The following SHANK1 variants were observed in gnomAD, a reference collection of about 807,000 sequenced individuals.
SHANK1 encodes the protein SH3 and multiple ankyrin repeat domains 1.
SHANK1 carries 35 observed loss-of-function variants against 165.6 expected under a neutral mutation model. The ratio of observed to expected loss-of-function variants is 0.21; its 90% CI spans 0.16 to 0.28. The LOEUF is 0.28. Among genes scored for constraint, SHANK1 ranks in the 10% least tolerant of loss-of-function variants. SHANK1 has a pLI of 1.00. For missense variants in SHANK1, 2,681 were observed against 3,036.4 expected (o/e 0.88, Z 2.75); for synonymous variants, 1,428 against 1,384.8 (o/e 1.03, Z -0.69).
intron 8 of SHANK1, chr19:50,711,121 C>T (rs1453025075): frequency 7.9e-6 from 4 of 505,414 alleles, no homozygotes; most frequent in Non-Finnish European, 1.4e-5. Flanking sequence ...GCCATGAGCT[C>T]AACACTTTGT....
rs1430293323 is a variant in SHANK1 at position 50,667,642 on chromosome 19, C to T, written c.4318G>A (p.Ala1440Thr). 2 of 1,410,082 alleles carry T rather than the reference C, an allele frequency of 1.4e-6. No homozygotes were observed. The highest frequency in any genetic ancestry group is 1.8e-6 in the Non-Finnish European group (2 of 1,091,610). 87.3% of individuals were successfully genotyped at this position (1,410,082 alleles called of 1,614,324 possible). ...EKSLPASPPA[A>T]RRSLLHRLPP... is the part of the protein sequence containing the mutation. The stretch of plus-strand genomic sequence containing the variant: ...AGGCGGTGTAGCAGGGAACGCCGGG[C>T]GGCGGGCGGGCTGGCGGGAAGGGAC... The change falls in exon 23 of 24, where the codon GCC becomes ACC. Residue 1440 changes from alanine to threonine, a missense_variant. Physicochemically the swap from Ala to Thr is moderately conservative, Grantham distance 58. Coordinates refer to ENST00000293441, the MANE Select transcript of SHANK1 (RefSeq NM_016148.5). This position sits in a 1 kb window ranked among gnomAD's most constrained non-coding sequence, Gnocchi z 5.7.
chr19:50,681,832 C>T (rs539033724), intron 21 of SHANK1, among the ~76,000 whole-genome samples: 20 of 152,100 alleles, frequency 1.3e-4, no homozygotes, highest in Non-Finnish European at 2.8e-4. Flanking sequence ...AGCTCAGTGG[C>T]GCAAGCATGG....
At position 50,667,950 on chromosome 19, in the gene SHANK1, G is replaced by A; in HGVS notation, c.4010C>T (p.Pro1337Leu). 7.2e-7 allele frequency: 1 copy of A among 1,395,262 alleles called. No individual in the cohort carries two copies. Among genetic ancestry groups the A allele is most frequent in the Non-Finnish European group, 9.3e-7 (1 of 1,080,230 alleles). The allele number at this position is 1,395,262 out of a possible 1,614,324, so 86.4% of individuals were successfully genotyped here. ...CTTGCCGGTCAGCGGGTGCACCAGG[G>A]GTCGCGGGGGCAGGAAGCTGGTGAA... ...SAFTSFLPPR[P>L]LVHPLTGKAL... Residue 1337 changes from proline to leucine, a missense_variant, in exon 23 of 24, where the codon CCC becomes CTC. Pro to Leu is a moderately conservative substitution (Grantham distance 98). Around this residue, in one of 10 missense-constraint regions of SHANK1, gnomAD observed 1,713 missense variants for 1,630.2 expected, o/e 1.05. Transcript: ENST00000293441. This position sits in a 1 kb window ranked among gnomAD's most constrained non-coding sequence, Gnocchi z 5.7.
rs895890316 is a variant in SHANK1 at position 50,662,885 on chromosome 19, A to G, written c.5769-203T>C. On this transcript the variant is annotated intron_variant, in intron 23 of 23. Transcript: ENST00000293441. The surrounding 1 kb of genome is among the most constrained non-coding windows in gnomAD (Gnocchi z 7.7). Reference sequence around the variant, plus strand: ...CGAGGAAAGAAATGAAGGGAGAGAAAGATGAGAGGACAGGGAGAGGGCGAC... The same window carrying G: ...CGAGGAAAGAAATGAAGGGAGAGAAGGATGAGAGGACAGGGAGAGGGCGAC... Among the ~76,000 whole-genome samples, 2 of 151,794 alleles carry G rather than the reference A, an allele frequency of 1.3e-5. No homozygotes were observed. Among genetic ancestry groups the G allele is most frequent in the Non-Finnish European group, 2.9e-5 (2 of 67,968 alleles).
chr19:50,668,358 G>T lies in SHANK1; in HGVS notation c.3602C>A (p.Ala1201Asp), dbSNP rs1199927536. 4.0e-6 allele frequency: 5 copies of T among 1,260,500 alleles called. No individual in the cohort carries two copies. The highest frequency in any genetic ancestry group is 5.0e-6 in the Non-Finnish European group (5 of 1,003,584). 78.1% of individuals were successfully genotyped at this position (1,260,500 alleles called of 1,614,324 possible). ...CGGGGGCACGGGTGACATGGCCGGG[G>T]CGGGGCTGGGCGAGGAGCCGCCGCC... Reference protein sequence around the residue: ...GGGGGSSPSPAPAMSPVPPSP... With the variant: ...GGGGGSSPSPDPAMSPVPPSP... The change falls in exon 23 of 24, where the codon GCC (alanine) becomes GAC (aspartate). Residue 1201 changes from alanine to aspartate, a missense_variant. Physicochemically the swap from Ala to Asp is moderately radical, Grantham distance 126. Coordinates refer to ENST00000293441, the MANE Select transcript of SHANK1 (RefSeq NM_016148.5).
rs549911862 is a variant in SHANK1 at position 50,697,450 on chromosome 19, G to A, written c.1937+139C>T. 7.3e-6 allele frequency: 6 copies of A among 826,020 alleles called. No individual in the cohort carries two copies. The Admixed American group carries it at 9.0e-5, about 12-fold the overall frequency. 51.2% of individuals were successfully genotyped at this position (826,020 alleles called of 1,614,324 possible). Reference sequence around the variant, plus strand: ...GGCTGTACTGTCTGAAGCTAATTCTGGCTTATCCCACCCCTGGATCAAACT... The same window carrying A: ...GGCTGTACTGTCTGAAGCTAATTCTAGCTTATCCCACCCCTGGATCAAACT... On this transcript the variant is annotated intron_variant, in intron 14 of 23. Coordinates refer to ENST00000293441, the MANE Select transcript of SHANK1 (RefSeq NM_016148.5). This position sits in a 1 kb window ranked among gnomAD's most constrained non-coding sequence, Gnocchi z 4.7.
In SHANK1 at chr19:50,716,536, T is replaced by A; in HGVS notation, c.256-58A>T. The A allele has an allele frequency of 6.3e-7, 1 of 1,595,788 alleles. No individual in the cohort carries two copies. On this transcript the variant is annotated intron_variant, in intron 2 of 23. Coordinates refer to ENST00000293441, the MANE Select transcript of SHANK1 (RefSeq NM_016148.5). This position sits in a 1 kb window ranked among gnomAD's most constrained non-coding sequence, Gnocchi z 8.4. The stretch of plus-strand genomic sequence containing the variant: ...CCAGGGGCCAGAGGAGAGCCTGAGG[T>A]GGGTTGGGAAGTGAGCCAGGAGCTG...
At position 50,713,631 on chromosome 19, in the gene SHANK1, C is replaced by A. The variant is rs947984029; in HGVS notation, c.792+167G>T. On this transcript the variant is annotated intron_variant, in intron 6 of 23. Coordinates refer to ENST00000293441, the MANE Select transcript of SHANK1 (RefSeq NM_016148.5). This position sits in a 1 kb window ranked among gnomAD's most constrained non-coding sequence, Gnocchi z 6.2. ...AGGTGGGTGCATCTGGGGGGCCTGACAAGGGTGACAATAGGGGCTGTGTCT... is the reference window on the plus strand; with the variant it reads ...AGGTGGGTGCATCTGGGGGGCCTGAAAAGGGTGACAATAGGGGCTGTGTCT... Among the ~76,000 whole-genome samples, 6 of 151,896 alleles carry A rather than the reference C, an allele frequency of 4.0e-5. No individual in the cohort carries two copies. The highest frequency in any genetic ancestry group is 1.5e-4 in the African/African-American group (6 of 41,296).
At chr19:50,711,732 C>T (rs1352608870) in intron 7 of SHANK1, among the ~76,000 whole-genome samples, 1 of 152,214 alleles carries the variant, frequency 6.6e-6, no homozygotes, top group Admixed American at 6.5e-5. Context: ...AGAGGACAGC[C>T]CATCCCTCTC....
intron 21 of SHANK1, among the ~76,000 whole-genome samples, chr19:50,685,102 GAGA>G (rs1599852835): frequency 1.3e-5 from 2 of 152,356 alleles, no homozygotes; most frequent in East Asian, 1.9e-4. Flanking sequence ...GGACTGGGCA[GAGA>G]AGAAGGAAGC....
intron 19 of SHANK1, 39 bp downstream of exon 19, chr19:50,687,543 C>T (rs202190373): frequency 1.1e-4 from 166 of 1,493,166 alleles, no homozygotes; most frequent in Non-Finnish European, 9.3e-5. Context: ...CTTCCCCTCT[C>T]CCCCCGGCCC....
intron 23 of SHANK1, among the ~76,000 whole-genome samples, chr19:50,665,943 A>G (rs2387120): frequency 0.031 from 4,668 of 149,094 alleles, 255 homozygotes; most frequent in African/African-American, 0.098. Flanking sequence ...CCCGGGAGGC[A>G]GAGGTTGTGG....
At chr19:50,684,333 C>A (rs1986267971) in intron 21 of SHANK1, among the ~76,000 whole-genome samples, 1 of 151,866 alleles carries the variant, frequency 6.6e-6, no homozygotes, top group African/African-American at 2.4e-5. Flanking sequence ...TCAAGCGATT[C>A]TCTCGCCTCA....
Position 50,667,941 on chromosome 19 carries a change from T to G in SHANK1, c.4019A>C (p.His1340Pro). 7.2e-7 allele frequency: 1 copy of G among 1,381,798 alleles called. No individual in the cohort carries two copies. The highest frequency in any genetic ancestry group is 9.3e-7 in the Non-Finnish European group (1 of 1,073,856). The allele number at this position is 1,381,798 out of a possible 1,614,324, so 85.6% of individuals were successfully genotyped here. Reference sequence around the variant, plus strand: ...ATCCAGGGCCTTGCCGGTCAGCGGGTGCACCAGGGGTCGCGGGGGCAGGAA... The same window carrying G: ...ATCCAGGGCCTTGCCGGTCAGCGGGGGCACCAGGGGTCGCGGGGGCAGGAA... ...TSFLPPRPLVHPLTGKALDPA... is the reference protein window; with the variant it reads ...TSFLPPRPLVPPLTGKALDPA... Residue 1340 changes from histidine to proline, a missense_variant, in exon 23 of 24, where the codon CAC (histidine) becomes CCC (proline). Transcript: ENST00000293441. This position sits in a 1 kb window ranked among gnomAD's most constrained non-coding sequence, Gnocchi z 5.7.
At position 50,702,450 on chromosome 19, in the gene SHANK1, G is replaced by C. The variant is rs1411818302; in HGVS notation, c.1747+17C>G. On this transcript the variant is annotated intron_variant, in intron 12 of 23. Coordinates refer to ENST00000293441, the MANE Select transcript of SHANK1 (RefSeq NM_016148.5). This position sits in a 1 kb window ranked among gnomAD's most constrained non-coding sequence, Gnocchi z 5.3. ...CACAGCCCAGCCCAGCCCAGGCCCT[G>C]CTTCCACCCTGGGTACCTTTGATCT... The C allele has an allele frequency of 6.2e-7, 1 of 1,600,358 alleles. No homozygotes were observed. The highest frequency in any genetic ancestry group is 1.3e-5 in the African/African-American group (1 of 74,810).
rs1206267228 is a variant in SHANK1, at chr19:50,718,110, G to A, written c.-43-1148C>T. ...AGCAGTGGAGGGTACTGCTGACTTT[G>A]GGGGAGTGGGGATGGGCTGGGGGGT... On this transcript the variant is annotated intron_variant, in intron 1 of 23. Transcript: ENST00000293441. This position sits in a 1 kb window ranked among gnomAD's most constrained non-coding sequence, Gnocchi z 5.1. Among the ~76,000 whole-genome samples, 1 of 152,176 alleles carries A rather than the reference G, an allele frequency of 6.6e-6. No individual in the cohort carries two copies. The highest frequency in any genetic ancestry group is 1.5e-5 in the Non-Finnish European group (1 of 68,024).
At chr19:50,691,208 G>A (rs968645088) in intron 15 of SHANK1, among the ~76,000 whole-genome samples, 5 of 152,142 alleles carry the variant, frequency 3.3e-5, no homozygotes, top group South Asian at 2.1e-4. Flanking sequence ...GAAAGGGGCC[G>A]AGAAGGCCAG....
chr19:50,663,881 G>A (rs1370955607), intron 23 of SHANK1, among the ~76,000 whole-genome samples: 2 of 149,314 alleles, frequency 1.3e-5, no homozygotes, highest in Non-Finnish European at 3.0e-5. Flanking sequence ...TAGGAGCATT[G>A]ATTCAAGTTG....
At chr19:50,679,087 T>G (rs1599848500) in intron 21 of SHANK1, among the ~76,000 whole-genome samples, 1 of 18,196 alleles carries the variant, frequency 5.5e-5, no homozygotes, top group Non-Finnish European at 9.1e-5. Flanking sequence ...GGGGTCAGGG[T>G]GATGGGGAGG....
Sources: allele counts gnomAD v4.1 joint callset (sites outside exome capture counted in the v4.1 genomes callset), GRCh38; gene constraint gnomAD v4.1.1; regional missense constraint gnomAD v4.1.1; non-coding constraint Gnocchi (gnomAD v3.1); transcripts MANE v1.5; gene names NCBI Gene and HGNC (gene_info 2026-07-23, HGNC 2026-07-21).